TMEM163: variants seen among roughly 807,000 people sequenced by gnomAD.
TMEM163 encodes transmembrane protein 163.
A neutral mutation model predicts 29.3 loss-of-function variants in TMEM163; 17 were observed. The observed-to-expected ratio is 0.58, with a 90% CI of 0.40 to 0.87. The LOEUF is 0.87. Among genes scored for constraint, TMEM163 ranks in the 40% least tolerant of loss-of-function variants. The probability of loss-of-function intolerance (pLI) is 0.00; values close to 1 mark genes in which losing one functional copy is unlikely to be tolerated. For synonymous variants in TMEM163, 157 were observed against 160.6 expected (o/e 0.98, Z 0.17); for missense variants, 303 against 381.5 (o/e 0.79, Z 1.71).
intron 2 of TMEM163, among the ~76,000 whole-genome samples, chr2:134,609,871 C>T (rs1480135286): frequency 6.6e-6 from 1 of 150,980 alleles, no homozygotes; most frequent in East Asian, 2.0e-4. Context: ...ATCCCGAGAA[C>T]TGTACTGGTG....
chr2:134,462,142 G>A (rs1686556240), intron 6 of TMEM163, among the ~76,000 whole-genome samples: 1 of 143,276 alleles, frequency 7.0e-6, no homozygotes, highest in South Asian at 2.1e-4. Flanking sequence ...CGGGGGCGGG[G>A]GGCATTGCCT....
At chr2:134,655,119 C>A (rs1286409929) in intron 2 of TMEM163, among the ~76,000 whole-genome samples, 1 of 135,816 alleles carries the variant, frequency 7.4e-6, no homozygotes, top group Non-Finnish European at 1.5e-5. Flanking sequence ...GTGAAGTTCT[C>A]CTGGATAATA....
At chr2:134,566,822 C>T (rs79257941) in intron 2 of TMEM163, among the ~76,000 whole-genome samples, 5,276 of 152,132 alleles carry the variant, frequency 0.035, 325 homozygotes, top group African/African-American at 0.12. Context: ...CTTAGGCATC[C>T]ATTAATAAGA....
At chr2:134,503,052 A>G in intron 4 of TMEM163, 55 bp from the exon 5 acceptor site, 1 of 1,487,710 alleles carries the variant, frequency 6.7e-7, no homozygotes, top group Admixed American at 1.9e-5. Flanking sequence ...ACTGCTGAAG[A>G]GTCCACACAA....
At chr2:134,548,122 C>G (rs72984224) in intron 4 of TMEM163, among the ~76,000 whole-genome samples, 19,034 of 152,022 alleles carry the variant, frequency 0.13, 2,632 homozygotes, top group African/African-American at 0.34. Context: ...AAAGAAAAAG[C>G]AGAGGGAAAA....
chr2:134,536,464 A>C (rs1167260739), intron 4 of TMEM163, among the ~76,000 whole-genome samples: 4 of 152,092 alleles, frequency 2.6e-5, no homozygotes, highest in Non-Finnish European at 5.9e-5. Context: ...CCTGAGCAGG[A>C]CGTGTGCTGC....
At chr2:134,473,934 A>G (rs1199569448) in intron 5 of TMEM163, among the ~76,000 whole-genome samples, 1 of 152,234 alleles carries the variant, frequency 6.6e-6, no homozygotes. Context: ...CAAACATTTA[A>G]TCATTTAAAG....
chr2:134,546,331 T>C (rs903786794), intron 4 of TMEM163, among the ~76,000 whole-genome samples: 3 of 152,176 alleles, frequency 2.0e-5, no homozygotes, highest in Non-Finnish European at 4.4e-5. Flanking sequence ...ATGTGGCATA[T>C]ATTTACAATA....
chr2:134,714,580 A>C (rs1483329146), intron 1 of TMEM163, among the ~76,000 whole-genome samples: 2 of 152,236 alleles, frequency 1.3e-5, no homozygotes, highest in Admixed American at 1.3e-4. Flanking sequence ...ATCGCTGAAC[A>C]AGTCCTGAGC....
At chr2:134,544,721 G>T (rs1023011164) in intron 4 of TMEM163, among the ~76,000 whole-genome samples, 1 of 152,136 alleles carries the variant, frequency 6.6e-6, no homozygotes, top group Non-Finnish European at 1.5e-5. Context: ...CTTGAACCGG[G>T]GAGGCAGAGG....
At chr2:134,669,431 A>G (rs1683942656) in intron 2 of TMEM163, among the ~76,000 whole-genome samples, 1 of 152,262 alleles carries the variant, frequency 6.6e-6, no homozygotes, top group Non-Finnish European at 1.5e-5. Context: ...GACACAAATC[A>G]GATCCCTAGT....
At chr2:134,458,199 G>A in intron 6 of TMEM163, 26 bp from the exon 7 acceptor site, 1 of 1,613,296 alleles carries the variant, frequency 6.2e-7, no homozygotes, top group Non-Finnish European at 8.5e-7. Context: ...AGAGAGGCTA[G>A]ATGGCAGTGC....
At chr2:134,713,875 C>G (rs747085134) in intron 1 of TMEM163, among the ~76,000 whole-genome samples, 1 of 152,230 alleles carries the variant, frequency 6.6e-6, no homozygotes, top group Non-Finnish European at 1.5e-5. Flanking sequence ...CCACATCCAG[C>G]AAGAGCCTCC....
chr2:134,582,977 C>T (rs1279719814), intron 2 of TMEM163, among the ~76,000 whole-genome samples: 1 of 152,156 alleles, frequency 6.6e-6, no homozygotes, highest in Non-Finnish European at 1.5e-5. Context: ...GACCATTCTT[C>T]CTATAAAAAT....
At chr2:134,674,544 G>A (rs1387476033) in intron 2 of TMEM163, among the ~76,000 whole-genome samples, 1 of 151,350 alleles carries the variant, frequency 6.6e-6, no homozygotes, top group East Asian at 2.0e-4. Context: ...TATTTTAGTG[G>A]AGAAGGGGTT....
In TMEM163 at chr2:134,458,151, G is replaced by A. The variant is rs775620093; in HGVS notation, c.690C>T (p.Gly230=). Residue 230 remains glycine, a synonymous_variant, in exon 7 of 8, where the codon GGC becomes GGT. Coordinates refer to ENST00000281924, the MANE Select transcript of TMEM163 (RefSeq NM_030923.5). ...ITDGFNSLVG[G]VMGFSILLSA... ...TCAGAAGAATGGAGAAGCCCATCACGCCACCCACGAGGGAGTTAAACCCTG... is the reference window on the plus strand; with the variant it reads ...TCAGAAGAATGGAGAAGCCCATCACACCACCCACGAGGGAGTTAAACCCTG... 73 of 1,614,010 alleles carry A rather than the reference G, an allele frequency of 4.5e-5. No homozygotes were observed. The South Asian group carries it at 5.3e-4, about 12-fold the overall frequency.
intron 4 of TMEM163, among the ~76,000 whole-genome samples, chr2:134,549,139 C>T (rs1680853565): frequency 1.3e-5 from 2 of 149,002 alleles, no homozygotes; most frequent in Non-Finnish European, 3.0e-5. Flanking sequence ...TTAAAATAGA[C>T]ATTTAACATT....
intron 2 of TMEM163, among the ~76,000 whole-genome samples, chr2:134,662,186 C>T (rs1239382150): frequency 1.3e-5 from 2 of 152,152 alleles, no homozygotes; most frequent in East Asian, 3.9e-4. Flanking sequence ...CCGCCCGCCT[C>T]AGCCTCCCAA....
intron 6 of TMEM163, chr2:134,459,027 T>C (rs1464286539): frequency 6.6e-6 from 1 of 152,270 alleles, no homozygotes; most frequent in Non-Finnish European, 1.5e-5. Flanking sequence ...TTAAGGTAGC[T>C]TCTAGGGTCT....
Sources: gnomAD v4.1 joint callset for allele counts (sites outside exome capture counted in the v4.1 genomes callset) on GRCh38, gnomAD v4.1.1 for gene constraint, MANE v1.5 for transcripts, NCBI Gene and HGNC (gene_info 2026-07-23, HGNC 2026-07-21) for gene names.